DCLK2: variants seen among roughly 807,000 people sequenced by gnomAD.
The protein encoded by DCLK2 is serine/threonine-protein kinase DCLK2.
Under a neutral mutation model 78.4 loss-of-function variants are expected in DCLK2, and 31 were observed. The ratio of observed to expected loss-of-function variants is 0.40; its 90% CI spans 0.30 to 0.53. The LOEUF (loss-of-function observed/expected upper bound fraction) is 0.53, where lower values mean the gene tolerates loss of function less well. Among genes scored for constraint, DCLK2 ranks in the 20% least tolerant of loss-of-function variants. The probability of loss-of-function intolerance (pLI) is 0.61; values close to 1 mark genes in which losing one functional copy is unlikely to be tolerated. For missense variants in DCLK2, 872 were observed against 973.7 expected (o/e 0.90, Z 1.39); for synonymous variants, 407 against 374.9 (o/e 1.09, Z -0.99).
intron 1 of DCLK2, among the ~76,000 whole-genome samples, chr4:150,086,664 G>A (rs1053858509): frequency 2.6e-5 from 4 of 151,974 alleles, no homozygotes; most frequent in Admixed American, 2.0e-4. Flanking sequence ...CCACCACCAC[G>A]CCCTGCTAAT....
At chr4:150,195,748 G>A (rs2126406657) in intron 3 of DCLK2, among the ~76,000 whole-genome samples, 1 of 151,396 alleles carries the variant, frequency 6.6e-6, no homozygotes, top group South Asian at 2.1e-4. Flanking sequence ...TTTGTTGATG[G>A]TGAACAGGGC....
rs1233998920 is a variant in DCLK2 at position 150,250,881 on chromosome 4, CT to C, written c.2073+1198del. ...CCCCACACCCCCAACATCCCCCACA[CT>C]CCCCACACCCCCCACACCCCCCACA... is the stretch of plus-strand genomic sequence containing the variant. On this transcript the variant is annotated intron_variant, in intron 15 of 15. Transcript: ENST00000296550. 1.6e-3 allele frequency among the ~76,000 whole-genome samples: 109 copies of C among 69,716 alleles called. 2 individuals are homozygous for C. Among genetic ancestry groups the C allele is most frequent in the Non-Finnish European group, 2.3e-3 (66 of 28,606 alleles). 45.7% of individuals were successfully genotyped at this position (69,716 alleles called of 152,430 possible). A position where few individuals can be genotyped will look rare whatever the true frequency, so the allele number is the denominator to read the frequency against.
chr4:150,225,052 C>T (rs1741498556), intron 8 of DCLK2, among the ~76,000 whole-genome samples: 1 of 152,222 alleles, frequency 6.6e-6, no homozygotes, highest in Non-Finnish European at 1.5e-5. Context: ...GGATGATTTA[C>T]ACACAGTGGG....
chr4:150,111,965 G>T (rs10024397), intron 2 of DCLK2, among the ~76,000 whole-genome samples: 57,612 of 151,802 alleles, frequency 0.38, 11,162 homozygotes, highest in Non-Finnish European at 0.42. Context: ...TTTTGGTTCC[G>T]TATGAATTTT....
intron 2 of DCLK2, among the ~76,000 whole-genome samples, chr4:150,174,290 A>G (rs1007576869): frequency 2.6e-5 from 4 of 152,158 alleles, no homozygotes; most frequent in Non-Finnish European, 4.4e-5. Flanking sequence ...ATCTGTTCTC[A>G]TTGTCAGACC....
chr4:150,125,782 G>A (rs62338181), intron 2 of DCLK2, among the ~76,000 whole-genome samples: 33 of 151,746 alleles, frequency 2.2e-4, no homozygotes, highest in Admixed American at 2.0e-3. Flanking sequence ...TCCCAGCTAC[G>A]TGGGAGGCTG....
chr4:150,256,464 G>A lies in DCLK2; in HGVS notation c.*217G>A. On this transcript the variant is annotated 3_prime_UTR_variant, in exon 16 of 16. Coordinates refer to ENST00000296550, the MANE Select transcript of DCLK2 (RefSeq NM_001040260.4). ...CTGGTTCCTGGAGGCATCAAAGGCT[G>A]CATCCGTTCTGCCAACAGCTGTTCG... 3.5e-6 allele frequency: 2 copies of A among 565,664 alleles called. No individual in the cohort carries two copies. Among genetic ancestry groups the A allele is most frequent in the East Asian group, 3.1e-5 (1 of 31,872 alleles). 35.0% of individuals were successfully genotyped at this position (565,664 alleles called of 1,614,324 possible).
chr4:150,223,420 TTAAAA>T (rs1218310583), intron 7 of DCLK2, among the ~76,000 whole-genome samples: 2 of 152,200 alleles, frequency 1.3e-5, no homozygotes, highest in Non-Finnish European at 2.9e-5. Flanking sequence ...TTTTGGCATG[TTAAAA>T]TTAAATTATT....
chr4:150,194,272 G>C (rs1738698468), intron 3 of DCLK2, among the ~76,000 whole-genome samples: 1 of 152,112 alleles, frequency 6.6e-6, no homozygotes, highest in African/African-American at 2.4e-5. Context: ...TAGCCCAGGA[G>C]CAATAGACTA....
At chr4:150,221,496 A>G (rs930850469) in intron 6 of DCLK2, among the ~76,000 whole-genome samples, 181 bp from the exon 7 acceptor site, 6 of 152,214 alleles carry the variant, frequency 3.9e-5, no homozygotes, top group Non-Finnish European at 7.3e-5. Context: ...ATTTCAACCA[A>G]CGAAGTTAAA....
intron 5 of DCLK2, among the ~76,000 whole-genome samples, chr4:150,209,343 A>G (rs1740118934): frequency 6.6e-6 from 1 of 152,212 alleles, no homozygotes; most frequent in Non-Finnish European, 1.5e-5. Flanking sequence ...CAGTGGCCCC[A>G]GGCTGCCTCC....
chr4:150,167,429 CA>C (rs1367113748), intron 2 of DCLK2, among the ~76,000 whole-genome samples: 2 of 152,220 alleles, frequency 1.3e-5, no homozygotes, highest in African/African-American at 2.4e-5. Flanking sequence ...CTACGGACCT[CA>C]ATTTAGGCCT....
At chr4:150,092,345 A>T (rs935512327) in intron 1 of DCLK2, among the ~76,000 whole-genome samples, 1 of 152,168 alleles carries the variant, frequency 6.6e-6, no homozygotes, top group Non-Finnish European at 1.5e-5. Flanking sequence ...TTGCTAGATC[A>T]TATGAAAGTT....
intron 12 of DCLK2, among the ~76,000 whole-genome samples, chr4:150,246,244 A>G (rs1177980530): frequency 6.6e-6 from 1 of 152,082 alleles, no homozygotes; most frequent in Non-Finnish European, 1.5e-5. Context: ...ACAGGGTTTC[A>G]CCAAGTTGGT....
chr4:150,240,054 GCC>G (rs1431400748), intron 11 of DCLK2, among the ~76,000 whole-genome samples, 179 bp downstream of exon 11: 11 of 62,300 alleles, frequency 1.8e-4, no homozygotes, highest in South Asian at 1.6e-3. Flanking sequence ...TGTATACAGT[GCC>G]TCCTGTGAAG....
chr4:150,160,768 C>T (rs141992519), intron 2 of DCLK2, among the ~76,000 whole-genome samples: 1 of 152,128 alleles, frequency 6.6e-6, no homozygotes, highest in Non-Finnish European at 1.5e-5. Flanking sequence ...AAAGAAAGGG[C>T]CTCTTTGCTC....
At chr4:150,200,886 T>C (rs1739399194) in intron 4 of DCLK2, among the ~76,000 whole-genome samples, 1 of 152,208 alleles carries the variant, frequency 6.6e-6, no homozygotes. Context: ...TGGTGTGATC[T>C]CAGCTCACTG....
intron 14 of DCLK2, 134 bp downstream of exon 14, chr4:150,248,519 G>A (rs1743501922): frequency 1.4e-6 from 1 of 732,336 alleles, no homozygotes; most frequent in Non-Finnish European, 2.3e-6. Context: ...GTCCCATTGA[G>A]CAAGTAGCAT....
chr4:150,208,008 C>A lies in DCLK2; in HGVS notation c.1056+4119C>A, dbSNP rs1347221347. On this transcript the variant is annotated intron_variant, in intron 5 of 15. Coordinates refer to ENST00000296550, the MANE Select transcript of DCLK2 (RefSeq NM_001040260.4). The stretch of plus-strand genomic sequence containing the variant: ...GATGGAAGAGTATTAGAGGAACCAT[C>A]CAGCATAAGAGGCTTCCGGCTCAAC... Among the ~76,000 whole-genome samples, 3 of 152,100 alleles carry A rather than the reference C, an allele frequency of 2.0e-5. No individual in the cohort carries two copies. The East Asian group carries it at 5.8e-4, about 29-fold the overall frequency.
Sources: allele counts gnomAD v4.1 joint callset (sites outside exome capture counted in the v4.1 genomes callset), GRCh38; gene constraint gnomAD v4.1.1; transcripts MANE v1.5; gene names NCBI Gene and HGNC (gene_info 2026-07-23, HGNC 2026-07-21).